Variants in STAM observed in about 807,000 individuals in gnomAD.
STAM encodes signal transducing adapter molecule 1.
STAM carries 16 observed loss-of-function variants against 63.4 expected under a neutral mutation model. The ratio of observed to expected loss-of-function variants is 0.25; its 90% CI spans 0.17 to 0.38. STAM has a LOEUF of 0.38. Ranked by LOEUF, STAM falls within the 10% of genes least tolerant of loss-of-function variation. The probability of loss-of-function intolerance (pLI) is 1.00; values close to 1 mark genes in which losing one functional copy is unlikely to be tolerated. For synonymous variants in STAM, 238 were observed against 223.9 expected (o/e 1.06, Z -0.56); for missense variants, 636 against 657.1 (o/e 0.97, Z 0.35).
rs1025791503 is a variant in STAM, at chr10:17,650,801, C to T, written c.40+6422C>T. 6.6e-5 allele frequency among the ~76,000 whole-genome samples: 10 copies of T among 152,240 alleles called. No homozygotes were observed. The East Asian group carries it at 1.2e-3, about 18-fold the overall frequency. On this transcript the variant is annotated intron_variant, in intron 1 of 13. Coordinates refer to ENST00000377524, the MANE Select transcript of STAM (RefSeq NM_003473.4). ...CTAGAGAGGGCTGGGCGCGGTGGCT[C>T]ACGCCTATAATCCCAGCACTTTGGG...
At chr10:17,662,145 T>C (rs1196477232) in intron 2 of STAM, among the ~76,000 whole-genome samples, 1 of 152,180 alleles carries the variant, frequency 6.6e-6, no homozygotes, top group Non-Finnish European at 1.5e-5. Flanking sequence ...GCTGTGTTCA[T>C]GTTACTCCCC....
intron 2 of STAM, among the ~76,000 whole-genome samples, chr10:17,681,744 G>T (rs1337708040): frequency 2.0e-5 from 3 of 152,226 alleles, no homozygotes; most frequent in South Asian, 2.1e-4. Context: ...TGACAGGTAT[G>T]AATCTTGTTA....
In STAM at chr10:17,644,266, T is replaced by G; in HGVS notation, c.-74T>G. On this transcript the variant is annotated 5_prime_UTR_variant, in exon 1 of 14. Coordinates refer to ENST00000377524, the MANE Select transcript of STAM (RefSeq NM_003473.4). ...GTTGCTCTTTTTGCCTGAGGAGTCT[T>G]CCATCCTACGTCGAGCTCTGACTCC... is the stretch of plus-strand genomic sequence containing the variant. 6.5e-7 allele frequency: 1 copy of G among 1,549,796 alleles called. No homozygotes were observed. The highest frequency in any genetic ancestry group is 1.1e-5 in the South Asian group (1 of 89,486).
At chr10:17,688,199 G>A (rs781836085) in intron 5 of STAM, 26 bp downstream of exon 5, 1 of 1,467,594 alleles carries the variant, frequency 6.8e-7, no homozygotes, top group African/African-American at 1.4e-5. Flanking sequence ...AGTTGTGTGT[G>A]TGCTACAGTT....
chr10:17,704,589 T>A, intron 10 of STAM, 71 bp downstream of exon 10: 2 of 1,309,746 alleles, frequency 1.5e-6, no homozygotes, highest in Non-Finnish European at 2.2e-6. Flanking sequence ...TGTTAAAGAA[T>A]GGGTTTTGAG....
Position 17,648,010 on chromosome 10 carries a change from G to C in STAM, c.40+3631G>C, listed in dbSNP as rs7072026. On this transcript the variant is annotated intron_variant, in intron 1 of 13. Transcript: ENST00000377524. ...CATTCCTTCATCCTTGCCCTTCTCA[G>C]TAGACGACAACATGATTACTGTTTC... is the stretch of plus-strand genomic sequence containing the variant. Among the ~76,000 whole-genome samples, 428 of 149,560 alleles carry C rather than the reference G, an allele frequency of 2.9e-3. 4 individuals are homozygous for C. Among genetic ancestry groups the C allele is most frequent in the African/African-American group, 9.2e-3 (372 of 40,432 alleles).
Position 17,697,298 on chromosome 10 carries a change from C to T in STAM, c.823+429C>T, listed in dbSNP as rs142207853. On this transcript the variant is annotated intron_variant, in intron 8 of 13. Coordinates refer to ENST00000377524, the MANE Select transcript of STAM (RefSeq NM_003473.4). ...AATGCAAATTCATTAAGAAGTCTTA[C>T]AGAATTTATACATTATATATTTTTC... Among the ~76,000 whole-genome samples the T allele has an allele frequency of 2.0e-3, 308 of 152,270 alleles. 2 individuals carry two copies. The highest frequency in any genetic ancestry group is 7.1e-3 in the African/African-American group (296 of 41,552).
At chr10:17,651,782 C>G (rs1185909385) in intron 1 of STAM, among the ~76,000 whole-genome samples, 1 of 152,112 alleles carries the variant, frequency 6.6e-6, no homozygotes, top group Non-Finnish European at 1.5e-5. Context: ...TTCAGACTTA[C>G]TTTTCCATTG....
chr10:17,652,209 C>T (rs1833767888), intron 1 of STAM, among the ~76,000 whole-genome samples: 1 of 152,024 alleles, frequency 6.6e-6, no homozygotes, highest in Non-Finnish European at 1.5e-5. Context: ...ATTTGCTATT[C>T]ACAGAACCAT....
chr10:17,711,922 G>A (rs1589120240), intron 13 of STAM, among the ~76,000 whole-genome samples: 2 of 152,338 alleles, frequency 1.3e-5, no homozygotes, highest in African/African-American at 4.8e-5. Context: ...AAGAAATTAT[G>A]AGTATTTGTT....
chr10:17,666,458 G>A (rs950733162), intron 2 of STAM, among the ~76,000 whole-genome samples: 1 of 136,852 alleles, frequency 7.3e-6, no homozygotes. Flanking sequence ...GCAGTGGCAC[G>A]ATCTTGGCTC....
At position 17,645,133 on chromosome 10, in the gene STAM, T is replaced by A. The variant is rs147262421; in HGVS notation, c.40+754T>A. Among the ~76,000 whole-genome samples the A allele has an allele frequency of 4.5e-3, 683 of 152,318 alleles. 1 individual carries two copies. Among genetic ancestry groups the A allele is most frequent in the African/African-American group, 0.013 (544 of 41,564 alleles). On this transcript the variant is annotated intron_variant, in intron 1 of 13. Coordinates refer to ENST00000377524, the MANE Select transcript of STAM (RefSeq NM_003473.4). ...TTGCTTTTGGTTTTTAATTTTATTT[T>A]ATTTTATTTTTTTCTGACTTGAAGA...
chr10:17,670,588 C>T (rs1834596618), intron 2 of STAM, among the ~76,000 whole-genome samples: 2 of 152,002 alleles, frequency 1.3e-5, no homozygotes, highest in African/African-American at 4.8e-5. Flanking sequence ...TGAAATATAC[C>T]TTAGTGTTAC....
At chr10:17,702,828 T>C (rs919252651) in intron 9 of STAM, among the ~76,000 whole-genome samples, 1 of 151,866 alleles carries the variant, frequency 6.6e-6, no homozygotes, top group Non-Finnish European at 1.5e-5. Context: ...GCCAACATGG[T>C]GAAACCCCGT....
chr10:17,699,065 C>G (rs1554827990), intron 8 of STAM, among the ~76,000 whole-genome samples: 1 of 152,060 alleles, frequency 6.6e-6, no homozygotes, highest in South Asian at 2.1e-4. Flanking sequence ...AGTGATTGGA[C>G]TTCATGTTCT....
intron 5 of STAM, among the ~76,000 whole-genome samples, chr10:17,692,385 C>T (rs538788598): frequency 1.1e-4 from 16 of 152,198 alleles, no homozygotes; most frequent in African/African-American, 3.4e-4. Context: ...AAAAAGTGAA[C>T]GGAGCAAAGG....
chr10:17,684,052 C>G (rs1835193154), intron 2 of STAM, among the ~76,000 whole-genome samples: 1 of 152,220 alleles, frequency 6.6e-6, no homozygotes, highest in South Asian at 2.1e-4. Flanking sequence ...AGATGCTTCA[C>G]TGTGGCCTCA....
chr10:17,644,318 G>A lies in STAM; in HGVS notation c.-22G>A, dbSNP rs782426752. The stretch of plus-strand genomic sequence containing the variant: ...GTGCTGTCGAGAGGGAGTCCCCGGG[G>A]ACACCTCGGCACGCAGCGGAGATGC... On this transcript the variant is annotated 5_prime_UTR_variant, in exon 1 of 14. Coordinates refer to ENST00000377524, the MANE Select transcript of STAM (RefSeq NM_003473.4). 6.2e-7 allele frequency: 1 copy of A among 1,614,088 alleles called. No homozygotes were observed. Among genetic ancestry groups the A allele is most frequent in the South Asian group, 1.1e-5 (1 of 91,074 alleles).
intron 2 of STAM, among the ~76,000 whole-genome samples, chr10:17,674,760 G>T (rs1028794126): frequency 5.9e-5 from 9 of 152,138 alleles, no homozygotes; most frequent in Non-Finnish European, 1.2e-4. Flanking sequence ...TCATGTCAAA[G>T]GAATTATTAT....
Sources: allele counts gnomAD v4.1 joint callset (sites outside exome capture counted in the v4.1 genomes callset), GRCh38; gene constraint gnomAD v4.1.1; transcripts MANE v1.5; gene names NCBI Gene and HGNC (gene_info 2026-07-23, HGNC 2026-07-21).